LGR5: variants seen among roughly 807,000 people sequenced by gnomAD.
The protein encoded by LGR5 is leucine-rich repeat-containing G protein-coupled receptor 5.
LGR5 carries 54 observed loss-of-function variants against 76.7 expected under a neutral mutation model. The ratio of observed to expected loss-of-function variants is 0.70; its 90% CI spans 0.57 to 0.88. LGR5 has a LOEUF of 0.88. Ranked by LOEUF, LGR5 falls within the 40% of genes least tolerant of loss-of-function variation. The pLI is 0.00. For synonymous variants in LGR5, 406 were observed against 421.9 expected, an observed-to-expected ratio of 0.96 and a Z score of 0.46; for missense variants, 1,078 against 1,073.3, an observed-to-expected ratio of 1.00 and a Z score of -0.06.
At chr12:71,473,665 G>T (rs1357897734) in intron 1 of LGR5, among the ~76,000 whole-genome samples, 5 of 151,254 alleles carry the variant, frequency 3.3e-5, no homozygotes, top group Non-Finnish European at 5.9e-5. Context: ...TTAGAATTTG[G>T]TTTAAAAAGA....
chr12:71,571,281 A>G (rs1327615065), intron 11 of LGR5: 1 of 358,828 alleles, frequency 2.8e-6, no homozygotes, highest in Admixed American at 4.6e-5. Flanking sequence ...GAATTCATTA[A>G]GTAAACTATT....
intron 3 of LGR5, among the ~76,000 whole-genome samples, chr12:71,533,942 C>G (rs1876455885): frequency 6.6e-6 from 1 of 152,184 alleles, no homozygotes; most frequent in African/African-American, 2.4e-5. Flanking sequence ...GCCTGGTGCA[C>G]TGGAAAACAC....
chr12:71,556,668 G>GGGCT lies in LGR5; in HGVS notation c.695_698dup (p.His234AlafsTer13). The GGGCT allele has an allele frequency of 6.2e-7, 1 of 1,611,502 alleles. No homozygotes were observed. Among genetic ancestry groups the GGGCT allele is most frequent in the Non-Finnish European group, 8.5e-7 (1 of 1,177,664 alleles). ...CTCCCTGGGAAAGAAATGCTTTGAT[G>GGGCT]GGCTCCACAGCCTAGAGACTTTGTG... is the stretch of plus-strand genomic sequence containing the variant. On this transcript the variant is annotated frameshift_variant, in exon 6 of 18. Transcript: ENST00000266674. LOFTEE classifies it high-confidence loss of function.
intron 1 of LGR5, among the ~76,000 whole-genome samples, chr12:71,460,181 C>T (rs1872634643): frequency 6.6e-6 from 1 of 151,794 alleles, no homozygotes; most frequent in African/African-American, 2.4e-5. Flanking sequence ...AGTGCAGGCA[C>T]AAGAGTGTGA....
At chr12:71,477,167 G>A (rs984388891) in intron 1 of LGR5, among the ~76,000 whole-genome samples, 4 of 152,080 alleles carry the variant, frequency 2.6e-5, no homozygotes, top group Non-Finnish European at 4.4e-5. Context: ...GTCTTAATAA[G>A]AAGCAGTTAA....
chr12:71,537,313 A>T (rs1174259362), intron 4 of LGR5, among the ~76,000 whole-genome samples: 5 of 152,096 alleles, frequency 3.3e-5, no homozygotes, highest in Non-Finnish European at 7.4e-5. Context: ...AATAAAAATT[A>T]AAAAACTTAG....
intron 1 of LGR5, among the ~76,000 whole-genome samples, chr12:71,473,295 T>C (rs1873177790): frequency 6.6e-6 from 1 of 152,142 alleles, no homozygotes; most frequent in Non-Finnish European, 1.5e-5. Flanking sequence ...GGGAGGAAAT[T>C]GTGTAGTAGG....
chr12:71,495,512 C>A (rs1431025059), intron 1 of LGR5, among the ~76,000 whole-genome samples: 1 of 151,344 alleles, frequency 6.6e-6, no homozygotes, highest in Non-Finnish European at 1.5e-5. Flanking sequence ...TACTTTTAAG[C>A]CCTAGCTGGT....
At chr12:71,518,183 A>T (rs1435721556) in intron 2 of LGR5, among the ~76,000 whole-genome samples, 2 of 152,216 alleles carry the variant, frequency 1.3e-5, no homozygotes, top group Non-Finnish European at 1.5e-5. Context: ...ACAAAAAATT[A>T]AAAAGTGAGC....
At chr12:71,507,729 CTCTT>C (rs997950496) in intron 2 of LGR5, among the ~76,000 whole-genome samples, 8 of 152,118 alleles carry the variant, frequency 5.3e-5, no homozygotes, top group East Asian at 3.9e-4. Context: ...TGTTAACTCT[CTCTT>C]TCTCTCTCTC....
At chr12:71,453,488 A>C (rs1400023570) in intron 1 of LGR5, among the ~76,000 whole-genome samples, 2 of 141,636 alleles carry the variant, frequency 1.4e-5, no homozygotes, top group Non-Finnish European at 3.0e-5. Context: ...TTTTAATCTC[A>C]TCCACCCTCA....
chr12:71,551,905 G>A (rs2137407958), intron 4 of LGR5, among the ~76,000 whole-genome samples: 1 of 152,308 alleles, frequency 6.6e-6, no homozygotes, highest in Admixed American at 6.5e-5. Flanking sequence ...CATACAAATG[G>A]TTAGGATAAG....
chr12:71,508,478 G>A (rs575881912), intron 2 of LGR5, among the ~76,000 whole-genome samples: 63 of 152,070 alleles, frequency 4.1e-4, no homozygotes, highest in African/African-American at 1.5e-3. Context: ...TAACTCAGCC[G>A]GGCACAGGGG....
Position 71,509,650 on chromosome 12 carries a change from C to T in LGR5, c.284+4965C>T, listed in dbSNP as rs142091541. 1.0e-2 allele frequency among the ~76,000 whole-genome samples: 1,521 copies of T among 152,240 alleles called. 10 individuals carry two copies. The highest frequency in any genetic ancestry group is 0.037 in the East Asian group (192 of 5,174). ...AGATGGTGACTATTACTGGCGTCTACAAGTTACATTAAACTTAGCTTGGTA... is the reference window on the plus strand; with the variant it reads ...AGATGGTGACTATTACTGGCGTCTATAAGTTACATTAAACTTAGCTTGGTA... On this transcript the variant is annotated intron_variant, in intron 2 of 17. Coordinates refer to ENST00000266674, the MANE Select transcript of LGR5 (RefSeq NM_003667.4).
intron 2 of LGR5, among the ~76,000 whole-genome samples, chr12:71,512,520 T>C (rs1875210970): frequency 6.6e-6 from 1 of 152,198 alleles, no homozygotes; most frequent in African/African-American, 2.4e-5. Context: ...GATTCCGATT[T>C]AATGGGTCTC....
At chr12:71,454,363 C>T (rs1872375809) in intron 1 of LGR5, among the ~76,000 whole-genome samples, 2 of 152,156 alleles carry the variant, frequency 1.3e-5, no homozygotes, top group African/African-American at 4.8e-5. Context: ...TACATGTCAT[C>T]CAGCAGTACA....
Position 71,578,939 on chromosome 12 carries a change from T to C in LGR5, c.1406+10T>C, listed in dbSNP as rs1878978473. 1 of 1,592,848 alleles carries C rather than the reference T, an allele frequency of 6.3e-7. No individual in the cohort carries two copies. The highest frequency in any genetic ancestry group is 8.5e-7 in the Non-Finnish European group (1 of 1,171,222). Reference sequence around the variant, plus strand: ...ACTTTCCAGAACTCAAGTGAGTTTGTCATTAAAACTAATAAGATACATTTG... The same window carrying C: ...ACTTTCCAGAACTCAAGTGAGTTTGCCATTAAAACTAATAAGATACATTTG... On this transcript the variant is annotated intron_variant, in intron 15 of 17. Transcript: ENST00000266674.
chr12:71,511,001 A>G (rs965253625), intron 2 of LGR5, among the ~76,000 whole-genome samples: 1 of 152,198 alleles, frequency 6.6e-6, no homozygotes, highest in Non-Finnish European at 1.5e-5. Context: ...GTGCAGGGCC[A>G]GTTAAGCCAT....
intron 8 of LGR5, 77 bp downstream of exon 8, chr12:71,561,929 T>A: frequency 1.1e-6 from 1 of 887,270 alleles, no homozygotes; most frequent in Non-Finnish European, 1.7e-6. Flanking sequence ...CAATGAATAT[T>A]CTATATTTGC....
Sources: gnomAD v4.1 joint callset for allele counts (sites outside exome capture counted in the v4.1 genomes callset) on GRCh38, gnomAD v4.1.1 for gene constraint, MANE v1.5 for transcripts, NCBI Gene and HGNC (gene_info 2026-07-23, HGNC 2026-07-21) for gene names.